Variants in ETV6 observed in about 807,000 individuals in gnomAD.
ETV6 encodes the protein ETS variant transcription factor 6.
In ETV6, 16 loss-of-function variants were observed where a neutral mutation model predicts 51.1. The ratio of observed to expected loss-of-function variants is 0.31; its 90% CI spans 0.21 to 0.48. The LOEUF is 0.48. Among genes scored for constraint, ETV6 ranks in the 20% least tolerant of loss-of-function variants. ETV6 has a pLI of 0.99. For missense variants in ETV6, 458 were observed against 594.8 expected (o/e 0.77, Z 2.39); for synonymous variants, 240 against 224.1 (o/e 1.07, Z -0.64).
intron 2 of ETV6, 92 bp from the exon 3 acceptor site, chr12:11,839,047 TG>T: frequency 1.5e-6 from 2 of 1,325,084 alleles, no homozygotes; most frequent in Non-Finnish European, 2.1e-6. Flanking sequence ...AGACTCATTT[TG>T]TTAACTATTC....
chr12:11,661,345 T>C (rs993398510), intron 1 of ETV6, among the ~76,000 whole-genome samples: 2 of 152,234 alleles, frequency 1.3e-5, no homozygotes, highest in East Asian at 1.9e-4. Context: ...ATCCGTGTCA[T>C]GAGTTCACTT....
intron 2 of ETV6, among the ~76,000 whole-genome samples, chr12:11,776,912 C>G (rs1945334070): frequency 6.6e-6 from 1 of 152,174 alleles, no homozygotes; most frequent in Admixed American, 6.5e-5. Flanking sequence ...TAAGGCAGGT[C>G]ATTATGTGGG....
At chr12:11,732,909 T>G (rs922150756) in intron 1 of ETV6, among the ~76,000 whole-genome samples, 5 of 152,258 alleles carry the variant, frequency 3.3e-5, no homozygotes, top group Admixed American at 2.6e-4. Flanking sequence ...AGTGTCACTT[T>G]CATTCTTACT....
At position 11,856,427 on chromosome 12, in the gene ETV6, G is replaced by A. The variant is rs555471174; in HGVS notation, c.463+2866G>A. 9.8e-5 allele frequency among the ~76,000 whole-genome samples: 15 copies of A among 152,330 alleles called. No individual in the cohort carries two copies. The South Asian group carries it at 2.7e-3, about 27-fold the overall frequency. On this transcript the variant is annotated intron_variant, in intron 4 of 7. Transcript: ENST00000396373. ...ATTCCTTAAAGCTCATGGCCAGGAA[G>A]CAAGGTCTGAGAGCATGTCCGGGCG...
rs140863274 is a variant in ETV6 at position 11,858,177 on chromosome 12, T to C, written c.463+4616T>C. Among the ~76,000 whole-genome samples the C allele has an allele frequency of 1.1e-3, 165 of 152,318 alleles. No homozygotes were observed. The East Asian group carries it at 0.014, about 13-fold the overall frequency. On this transcript the variant is annotated intron_variant, in intron 4 of 7. Coordinates refer to ENST00000396373, the MANE Select transcript of ETV6 (RefSeq NM_001987.5). ...TGACTGTTGTGACTCATTTTATCTT[T>C]GTAATATGAATTAGAATGCAGGTAG...
At chr12:11,868,147 A>C (rs1233379297) in intron 4 of ETV6, among the ~76,000 whole-genome samples, 3 of 152,190 alleles carry the variant, frequency 2.0e-5, no homozygotes, top group Non-Finnish European at 4.4e-5. Context: ...AAGTTCAGTA[A>C]GATTGTCATT....
At chr12:11,655,282 AG>A (rs1863979951) in intron 1 of ETV6, among the ~76,000 whole-genome samples, 1 of 152,160 alleles carries the variant, frequency 6.6e-6, no homozygotes, top group African/African-American at 2.4e-5. Flanking sequence ...TTTTCAGGTA[AG>A]GGTCCACCAC....
chr12:11,752,646 C>T (rs1866058233), intron 2 of ETV6, 67 bp downstream of exon 2: 6 of 1,548,654 alleles, frequency 3.9e-6, no homozygotes, highest in Non-Finnish European at 5.2e-6. Context: ...AGGCAGTGGG[C>T]TCCAGGCCAG....
chr12:11,763,239 C>A lies in ETV6; in HGVS notation c.163+10660C>A, dbSNP rs528223042. 1.1e-4 allele frequency among the ~76,000 whole-genome samples: 17 copies of A among 152,344 alleles called. No homozygotes were observed. The East Asian group carries it at 2.9e-3, about 26-fold the overall frequency. ...GTAGTGAAGCCACCTCACAAAGTCC[C>A]CTCTCTGAACAGACGCAGTTCTCGT... is the stretch of plus-strand genomic sequence containing the variant. On this transcript the variant is annotated intron_variant, in intron 2 of 7. Coordinates refer to ENST00000396373, the MANE Select transcript of ETV6 (RefSeq NM_001987.5).
intron 1 of ETV6, among the ~76,000 whole-genome samples, chr12:11,738,950 TGAG>T (rs1210446341): frequency 6.6e-6 from 1 of 152,092 alleles, no homozygotes; most frequent in Non-Finnish European, 1.5e-5. Flanking sequence ...TTGACCCAGA[TGAG>T]GAGAGGTTGC....
chr12:11,697,043 A>G (rs1476711713), intron 1 of ETV6, among the ~76,000 whole-genome samples: 1 of 152,252 alleles, frequency 6.6e-6, no homozygotes, highest in East Asian at 1.9e-4. Context: ...TGTTAAATTT[A>G]AATGAATAGA....
chr12:11,745,935 G>A (rs1005422015), intron 1 of ETV6, among the ~76,000 whole-genome samples: 8 of 152,198 alleles, frequency 5.3e-5, no homozygotes, highest in Non-Finnish European at 1.2e-4. Flanking sequence ...CATGGTTAAT[G>A]TAGATCCCTG....
chr12:11,723,229 AAGTGTGCATTGTAGGTT>A (rs151041495), intron 1 of ETV6, among the ~76,000 whole-genome samples: 4,578 of 152,276 alleles, frequency 0.03, 224 homozygotes, highest in African/African-American at 0.1. Flanking sequence ...GCTCTATGGC[AAGTGTGCATTGTAGGTT>A]AGTATGACAC....
At chr12:11,708,143 C>T (rs76737781) in intron 1 of ETV6, among the ~76,000 whole-genome samples, 1 of 151,930 alleles carries the variant, frequency 6.6e-6, no homozygotes, top group South Asian at 2.1e-4. Flanking sequence ...GGAGAGAGTT[C>T]TCACTACCAC....
intron 2 of ETV6, among the ~76,000 whole-genome samples, chr12:11,757,028 C>T (rs967715313): frequency 6.6e-5 from 10 of 152,106 alleles, no homozygotes; most frequent in Admixed American, 3.3e-4. Context: ...ATTTAAAAAT[C>T]GGAACGTAGG....
intron 1 of ETV6, among the ~76,000 whole-genome samples, chr12:11,680,171 A>G (rs745797020): frequency 2.6e-5 from 4 of 152,242 alleles, no homozygotes; most frequent in South Asian, 2.1e-4. Flanking sequence ...TTGGTCAGCT[A>G]TCTGAGGCAT....
At position 11,893,841 on chromosome 12, in the gene ETV6, TACAC is replaced by T. The variant is rs61009195; in HGVS notation, c.*2807_*2810del. The T allele has an allele frequency of 5.2e-3, 296 of 57,340 alleles. 5 individuals are homozygous for T. Among genetic ancestry groups the T allele is most frequent in the Admixed American group, 7.5e-3 (34 of 4,558 alleles). 3.6% of individuals were successfully genotyped at this position (57,340 alleles called of 1,614,324 possible). ...ATATATATATATATATATATATATATACACACACACACACATACACAAATATTCC... is the reference window on the plus strand; with the variant it reads ...ATATATATATATATATATATATATATACACACACACATACACAAATATTCC... On this transcript the variant is annotated 3_prime_UTR_variant, in exon 8 of 8. Coordinates refer to ENST00000396373, the MANE Select transcript of ETV6 (RefSeq NM_001987.5).
intron 2 of ETV6, among the ~76,000 whole-genome samples, chr12:11,765,937 C>T (rs1236300950): frequency 3.3e-5 from 5 of 152,088 alleles, no homozygotes; most frequent in Admixed American, 6.5e-5. Flanking sequence ...TGGGTGTGAG[C>T]GTCTGTGTGA....
intron 4 of ETV6, among the ~76,000 whole-genome samples, chr12:11,854,333 C>T (rs1036360122): frequency 1.3e-5 from 2 of 152,156 alleles, no homozygotes; most frequent in African/African-American, 2.4e-5. Context: ...CCCCACCGCT[C>T]ACCTCCTGCT....
Sources: gnomAD v4.1 joint callset for allele counts (sites outside exome capture counted in the v4.1 genomes callset) on GRCh38, gnomAD v4.1.1 for gene constraint, MANE v1.5 for transcripts, NCBI Gene and HGNC (gene_info 2026-07-23, HGNC 2026-07-21) for gene names.